RFX3: variants seen among roughly 807,000 people sequenced by gnomAD.
RFX3 encodes the protein regulatory factor X3.
A neutral mutation model predicts 98.6 loss-of-function variants in RFX3; 14 were observed. The observed-to-expected ratio is 0.14, with a 90% CI of 0.09 to 0.22. RFX3 has a LOEUF of 0.22. Among genes scored for constraint, RFX3 ranks in the 10% least tolerant of loss-of-function variants. The pLI is 1.00. For missense variants in RFX3, 639 were observed against 926.9 expected (o/e 0.69, Z 4.03); for synonymous variants, 383 against 328.4 (o/e 1.17, Z -1.80).
intron 1 of RFX3, chr9:3,452,369 C>G (rs1486211045): frequency 3.4e-5 from 11 of 325,632 alleles, no homozygotes; most frequent in Non-Finnish European, 6.6e-5. Flanking sequence ...GGCAGGAGAA[C>G]TGCTTGACAC....
chr9:3,419,837 A>C (rs770275566), intron 1 of RFX3, among the ~76,000 whole-genome samples: 1 of 152,162 alleles, frequency 6.6e-6, no homozygotes, highest in Non-Finnish European at 1.5e-5. Flanking sequence ...ATGTTTAATA[A>C]TTTTTTATTG....
chr9:3,446,490 C>G (rs1296580851), intron 1 of RFX3, among the ~76,000 whole-genome samples: 2 of 151,784 alleles, frequency 1.3e-5, no homozygotes, highest in African/African-American at 4.8e-5. Context: ...AGAAGAAAGC[C>G]AGAGGAATAA....
At position 3,271,126 on chromosome 9, in the gene RFX3, A is replaced by G; in HGVS notation, c.1087-8T>C. On this transcript the variant is annotated splice_region_variant and splice_polypyrimidine_tract_variant and intron_variant, in intron 9 of 16. Coordinates refer to ENST00000617270, the MANE Select transcript of RFX3 (RefSeq NM_001282116.2). Reference sequence around the variant, plus strand: ...AACAACGTCCAATATTGCCTAAAAAACAAAATGGTACCAGTATTACCTTAC... The same window carrying G: ...AACAACGTCCAATATTGCCTAAAAAGCAAAATGGTACCAGTATTACCTTAC... 6.2e-7 allele frequency: 1 copy of G among 1,611,008 alleles called. No individual in the cohort carries two copies.
At chr9:3,505,070 A>C (rs1268519749) in intron 1 of RFX3, among the ~76,000 whole-genome samples, 1 of 93,902 alleles carries the variant, frequency 1.1e-5, no homozygotes, top group Admixed American at 1.7e-4. Flanking sequence ...TATATAATAA[A>C]ATATAAAAAT....
At chr9:3,346,827 A>T (rs1834487061) in intron 2 of RFX3, 63 bp from the exon 3 acceptor site, 1 of 971,492 alleles carries the variant, frequency 1.0e-6, no homozygotes, top group African/African-American at 1.6e-5. Context: ...ACAGAGCATT[A>T]GATCTATCTC....
At chr9:3,304,638 T>C (rs7854551) in intron 4 of RFX3, among the ~76,000 whole-genome samples, 8,766 of 152,070 alleles carry the variant, frequency 0.058, 819 homozygotes, top group African/African-American at 0.2. Flanking sequence ...TCTCACGAGA[T>C]CTGATGGCTT....
At chr9:3,420,680 T>G in intron 1 of RFX3, 1 of 575,836 alleles carries the variant, frequency 1.7e-6, no homozygotes, top group Non-Finnish European at 2.2e-6. Flanking sequence ...AGGAGTAAAT[T>G]TTAAGAGGCA....
At chr9:3,254,191 C>T (rs1185116925) in intron 14 of RFX3, among the ~76,000 whole-genome samples, 2 of 151,906 alleles carry the variant, frequency 1.3e-5, no homozygotes, top group African/African-American at 4.8e-5. Flanking sequence ...AATTTTCTCT[C>T]CCTTCAAGAT....
chr9:3,421,673 A>C (rs957601104), intron 1 of RFX3, among the ~76,000 whole-genome samples: 2 of 152,184 alleles, frequency 1.3e-5, no homozygotes, highest in East Asian at 1.9e-4. Flanking sequence ...CAGATGGACA[A>C]ATCAAAGCAT....
intron 1 of RFX3, among the ~76,000 whole-genome samples, chr9:3,470,491 T>C (rs1457257452): frequency 3.6e-5 from 5 of 140,646 alleles, no homozygotes; most frequent in East Asian, 6.4e-4. Flanking sequence ...ATTTTTTCTT[T>C]TTTTCTTTTT....
At chr9:3,456,134 G>C (rs1156828002) in intron 1 of RFX3, among the ~76,000 whole-genome samples, 3 of 152,186 alleles carry the variant, frequency 2.0e-5, no homozygotes, top group Non-Finnish European at 4.4e-5. Flanking sequence ...ATTCACAAGG[G>C]AAGGAGCCCT....
intron 4 of RFX3, among the ~76,000 whole-genome samples, chr9:3,326,026 A>T (rs1587078280): frequency 6.6e-6 from 1 of 152,168 alleles, no homozygotes; most frequent in African/African-American, 2.4e-5. Flanking sequence ...TCAGGTCGCA[A>T]CTTAGCTGAA....
At chr9:3,424,018 G>C (rs1045444118) in intron 1 of RFX3, among the ~76,000 whole-genome samples, 1 of 151,132 alleles carries the variant, frequency 6.6e-6, no homozygotes, top group African/African-American at 2.4e-5. Flanking sequence ...GTGGTGGCAG[G>C]TGCCTGTAGT....
intron 2 of RFX3, chr9:3,364,443 G>T (rs1836814524): frequency 3.9e-6 from 1 of 258,952 alleles, no homozygotes; most frequent in South Asian, 4.6e-5. Context: ...AAGTTAATTT[G>T]AAGGGCCACA....
chr9:3,353,991 A>C (rs1021307352), intron 2 of RFX3, among the ~76,000 whole-genome samples: 2 of 152,058 alleles, frequency 1.3e-5, no homozygotes, highest in Non-Finnish European at 2.9e-5. Context: ...AGAACCAAGT[A>C]CTATTTGTAG....
chr9:3,448,633 C>A (rs1326255066), intron 1 of RFX3, among the ~76,000 whole-genome samples: 1 of 152,206 alleles, frequency 6.6e-6, no homozygotes, highest in Non-Finnish European at 1.5e-5. Context: ...ATCCTCCCGC[C>A]TCAGCCTCCC....
At chr9:3,263,143 A>G (rs1823143409) in intron 12 of RFX3, 59 bp from the exon 13 acceptor site, 7 of 1,560,418 alleles carry the variant, frequency 4.5e-6, no homozygotes, top group Admixed American at 3.6e-5. Context: ...AAACCACTGC[A>G]ATTTTCAAAT....
intron 4 of RFX3, among the ~76,000 whole-genome samples, chr9:3,312,150 G>C (rs1259814404): frequency 6.6e-6 from 1 of 152,156 alleles, no homozygotes; most frequent in African/African-American, 2.4e-5. Context: ...ATTGCTTCAT[G>C]AAACTTTAGT....
chr9:3,510,828 A>G (rs1817602260), intron 1 of RFX3, among the ~76,000 whole-genome samples: 1 of 152,016 alleles, frequency 6.6e-6, no homozygotes, highest in Admixed American at 6.6e-5. Flanking sequence ...TGTTTTCTTC[A>G]TACACTGTAT....
Sources: allele counts gnomAD v4.1 joint callset (sites outside exome capture counted in the v4.1 genomes callset), GRCh38; gene constraint gnomAD v4.1.1; transcripts MANE v1.5; gene names NCBI Gene and HGNC (gene_info 2026-07-23, HGNC 2026-07-21).